GNAQ: variants seen among roughly 807,000 people sequenced by gnomAD.
The protein encoded by GNAQ is G protein subunit alpha q.
In GNAQ, 8 loss-of-function variants were observed where a neutral mutation model predicts 43.9. The ratio of observed to expected loss-of-function variants is 0.18; its 90% CI spans 0.11 to 0.33. The LOEUF is 0.33. GNAQ is among the 10% of genes least tolerant of loss of function. The pLI is 1.00. For synonymous variants in GNAQ, 155 were observed against 170.7 expected (o/e 0.91, Z 0.71); for missense variants, 158 against 450.8 (o/e 0.35, Z 5.88).
chr9:78,007,345 A>C (rs1366354033), intron 1 of GNAQ, among the ~76,000 whole-genome samples: 1 of 151,592 alleles, frequency 6.6e-6, no homozygotes, highest in East Asian at 1.9e-4. Flanking sequence ...AGTTTTTAAT[A>C]AGTGATATAA....
intron 2 of GNAQ, among the ~76,000 whole-genome samples, chr9:77,868,548 A>G (rs188938635): frequency 4.4e-4 from 67 of 152,364 alleles, no homozygotes; most frequent in Admixed American, 1.4e-3. Flanking sequence ...CTGTAATCCC[A>G]GCACTTTGGG....
intron 5 of GNAQ, among the ~76,000 whole-genome samples, chr9:77,786,579 T>C (rs1826484194): frequency 6.6e-6 from 1 of 152,062 alleles, no homozygotes. Flanking sequence ...GAAGCATCTT[T>C]GCATTGCACT....
chr9:77,867,551 G>T (rs1827967857), intron 2 of GNAQ, among the ~76,000 whole-genome samples: 1 of 152,124 alleles, frequency 6.6e-6, no homozygotes, highest in Non-Finnish European at 1.5e-5. Context: ...AATTTATTAA[G>T]ATTATACACT....
chr9:77,929,850 A>T (rs1266516540), intron 1 of GNAQ, among the ~76,000 whole-genome samples: 4 of 152,136 alleles, frequency 2.6e-5, no homozygotes, highest in South Asian at 2.1e-4. Flanking sequence ...ATTTTTTTTT[A>T]AAACCTGCAA....
chr9:77,954,888 G>C (rs1823023600), intron 1 of GNAQ, among the ~76,000 whole-genome samples: 1 of 152,106 alleles, frequency 6.6e-6, no homozygotes, highest in South Asian at 2.1e-4. Context: ...GAAGGCAATA[G>C]TAGTCACCAG....
chr9:78,002,810 T>C (rs1258496872), intron 1 of GNAQ, among the ~76,000 whole-genome samples: 1 of 152,198 alleles, frequency 6.6e-6, no homozygotes, highest in Non-Finnish European at 1.5e-5. Flanking sequence ...TACTTACAAT[T>C]GGTTTTCTAT....
At chr9:77,854,595 T>C (rs1827722106) in intron 2 of GNAQ, among the ~76,000 whole-genome samples, 1 of 152,216 alleles carries the variant, frequency 6.6e-6, no homozygotes, top group African/African-American at 2.4e-5. Context: ...ATGCCTTATT[T>C]TCTCTGCCCT....
chr9:77,875,013 T>C (rs1347332160), intron 2 of GNAQ, among the ~76,000 whole-genome samples: 1 of 152,132 alleles, frequency 6.6e-6, no homozygotes, highest in Non-Finnish European at 1.5e-5. Context: ...TGAAGAACCC[T>C]CCCACCTCTA....
chr9:77,797,310 G>C (rs1826673607), intron 4 of GNAQ, among the ~76,000 whole-genome samples: 1 of 152,174 alleles, frequency 6.6e-6, no homozygotes, highest in South Asian at 2.1e-4. Context: ...TGGGATAACA[G>C]GCGTGAGCCA....
chr9:77,878,149 C>G (rs1466968065), intron 2 of GNAQ, among the ~76,000 whole-genome samples: 2 of 151,700 alleles, frequency 1.3e-5, no homozygotes, highest in Non-Finnish European at 2.9e-5. Context: ...TAGTCCCTAA[C>G]TTGACTGCCA....
chr9:77,950,976 C>T (rs556808897), intron 1 of GNAQ, among the ~76,000 whole-genome samples: 1 of 151,596 alleles, frequency 6.6e-6, no homozygotes, highest in African/African-American at 2.4e-5. Flanking sequence ...AAGCTACATT[C>T]TTTAGATAAG....
intron 1 of GNAQ, among the ~76,000 whole-genome samples, chr9:77,971,551 C>CAT (rs1823236971): frequency 6.6e-6 from 1 of 152,204 alleles, no homozygotes; most frequent in South Asian, 2.1e-4. Flanking sequence ...TCAATAGATG[C>CAT]AGAAAAGGCC....
At chr9:77,938,893 A>C (rs1014915894) in intron 1 of GNAQ, among the ~76,000 whole-genome samples, 2 of 152,218 alleles carry the variant, frequency 1.3e-5, no homozygotes, top group African/African-American at 4.8e-5. Flanking sequence ...AGACAAAATC[A>C]TCTGGATACT....
chr9:77,956,027 C>T (rs924863205), intron 1 of GNAQ, among the ~76,000 whole-genome samples: 9 of 152,126 alleles, frequency 5.9e-5, no homozygotes, highest in African/African-American at 1.7e-4. Flanking sequence ...ACATGTGAAA[C>T]ATTTTTGATT....
intron 1 of GNAQ, among the ~76,000 whole-genome samples, chr9:78,028,182 A>C (rs775422327): frequency 1.8e-4 from 27 of 152,248 alleles, no homozygotes; most frequent in Admixed American, 6.5e-4. Flanking sequence ...GTAAGTTTTG[A>C]GTGTCAAACA....
intron 5 of GNAQ, among the ~76,000 whole-genome samples, chr9:77,761,011 C>T (rs1350942384): frequency 1.3e-5 from 2 of 152,032 alleles, no homozygotes; most frequent in African/African-American, 4.8e-5. Flanking sequence ...CTCCGCCCGG[C>T]AGCCGCCCCA....
At chr9:77,951,092 CTTTTTTTT>C (rs35044662) in intron 1 of GNAQ, among the ~76,000 whole-genome samples, 2 of 89,318 alleles carry the variant, frequency 2.2e-5, no homozygotes, top group East Asian at 3.4e-4. Flanking sequence ...GTCAAGTGTT[CTTTTTTTT>C]TTTTTTTTTT....
intron 1 of GNAQ, among the ~76,000 whole-genome samples, chr9:77,950,538 TG>T (rs1822962045): frequency 6.6e-6 from 1 of 152,186 alleles, no homozygotes; most frequent in African/African-American, 2.4e-5. Context: ...TTCTCATGTA[TG>T]AAAAACAAAA....
rs1825258778 is a variant in GNAQ, at chr9:77,718,534, T to G, written c.*2789A>C. On this transcript the variant is annotated 3_prime_UTR_variant, in exon 7 of 7. Transcript: ENST00000286548. The stretch of plus-strand genomic sequence containing the variant: ...TCTGCATAGCAAATTCCATCCCAAT[T>G]TCATAAAGACAAATATAACAATCTT... 1 of 232,422 alleles carries G rather than the reference T, an allele frequency of 4.3e-6. No homozygotes were observed. Among genetic ancestry groups the G allele is most frequent in the Admixed American group, 5.6e-5 (1 of 17,748 alleles). 14.4% of individuals were successfully genotyped at this position (232,422 alleles called of 1,614,324 possible).
Sources: allele counts gnomAD v4.1 joint callset (sites outside exome capture counted in the v4.1 genomes callset), GRCh38; gene constraint gnomAD v4.1.1; transcripts MANE v1.5; gene names NCBI Gene and HGNC (gene_info 2026-07-23, HGNC 2026-07-21).